RANBP2: variants seen among roughly 807,000 people sequenced by gnomAD.
The protein encoded by RANBP2 is E3 SUMO-protein ligase RanBP2.
Under a neutral mutation model 303.6 loss-of-function variants are expected in RANBP2, and 57 were observed. The observed-to-expected ratio is 0.19, with a 90% confidence interval of 0.15 to 0.23. The LOEUF (loss-of-function observed/expected upper bound fraction) is 0.23, where lower values mean the gene tolerates loss of function less well. RANBP2 is among the 10% of genes least tolerant of loss of function. The pLI, the probability that RANBP2 is intolerant of heterozygous loss-of-function variation, is 1.00. For synonymous variants in RANBP2, 1,167 were observed against 1,301.5 expected (o/e 0.90, Z 2.23); for missense variants, 3,138 against 3,780.8 (o/e 0.83, Z 4.46).
chr2:109,306,981 GAA>G, the RANBP2 span, among the ~76,000 whole-genome samples: 2 of 152,208 alleles, frequency 1.3e-5, no homozygotes, highest in African/African-American at 4.8e-5. Flanking sequence ...CGCTTGGCAT[GAA>G]CAACACAGGT....
At chr2:109,388,113 A>G in the RANBP2 span, among the ~76,000 whole-genome samples, 1 of 151,856 alleles carries the variant, frequency 6.6e-6, no homozygotes, top group African/African-American at 2.4e-5. Context: ...TCACCATCCT[A>G]CGCCTGCCCA....
chr2:109,225,899 G>A, the RANBP2 span, among the ~76,000 whole-genome samples: 42 of 152,164 alleles, frequency 2.8e-4, no homozygotes. Flanking sequence ...CCGAGTAGCT[G>A]GGACTATAGT....
At chr2:109,062,179 T>C in the RANBP2 span, among the ~76,000 whole-genome samples, 3 of 152,246 alleles carry the variant, frequency 2.0e-5, no homozygotes, top group Admixed American at 2.0e-4. Flanking sequence ...GCAAGGAAAA[T>C]ATATTTTCAG....
the RANBP2 span, among the ~76,000 whole-genome samples, chr2:109,197,587 A>G: frequency 6.6e-6 from 1 of 152,034 alleles, no homozygotes; most frequent in Non-Finnish European, 1.5e-5. Flanking sequence ...TTTTAGGGGG[A>G]CCTGTGCTTG....
At chr2:109,735,517 T>G in the RANBP2 span, among the ~76,000 whole-genome samples, 4 of 152,298 alleles carry the variant, frequency 2.6e-5, no homozygotes, top group African/African-American at 9.6e-5. Context: ...TTAGTAGCCA[T>G]GTGTTAGCCA....
At chr2:109,261,425 G>A in the RANBP2 span, among the ~76,000 whole-genome samples, 1 of 152,224 alleles carries the variant, frequency 6.6e-6, no homozygotes, top group African/African-American at 2.4e-5. Flanking sequence ...TGCAGTCTGT[G>A]GAGCTGGACA....
At chr2:109,534,382 C>T in the RANBP2 span, among the ~76,000 whole-genome samples, 1 of 152,200 alleles carries the variant, frequency 6.6e-6, no homozygotes, top group Admixed American at 6.5e-5. Flanking sequence ...AGTAGGATCA[C>T]AGGCATTAGA....
At chr2:109,583,828 C>T in the RANBP2 span, among the ~76,000 whole-genome samples, 1 of 152,174 alleles carries the variant, frequency 6.6e-6, no homozygotes, top group Admixed American at 6.5e-5. Context: ...AAAATCAAGT[C>T]TTTTGTACCA....
the RANBP2 span, among the ~76,000 whole-genome samples, chr2:109,630,744 A>T: frequency 1.3e-5 from 2 of 152,266 alleles, no homozygotes; most frequent in East Asian, 3.9e-4. Context: ...GGTAATGTTG[A>T]GGGATGGATA....
At chr2:109,564,391 C>T in the RANBP2 span, 1 of 1,582,788 alleles carries the variant, frequency 6.3e-7, no homozygotes, top group Non-Finnish European at 8.6e-7. Flanking sequence ...TCTGGGCCCA[C>T]ATCTGTAAAG....
the RANBP2 span, among the ~76,000 whole-genome samples, chr2:109,422,341 G>A: frequency 1.3e-5 from 2 of 152,182 alleles, no homozygotes; most frequent in Middle Eastern, 3.2e-3. Flanking sequence ...TGATTGCATA[G>A]CTTTGACCTC....
At chr2:109,659,575 G>C in the RANBP2 span, among the ~76,000 whole-genome samples, 11 of 152,218 alleles carry the variant, frequency 7.2e-5, no homozygotes, top group Non-Finnish European at 1.0e-4. Flanking sequence ...GGGCTAGGCT[G>C]GGGGCTGGAC....
chr2:108,989,822 G>T, the RANBP2 span, among the ~76,000 whole-genome samples: 1 of 151,596 alleles, frequency 6.6e-6, no homozygotes, highest in South Asian at 2.1e-4. Context: ...GATTGGGGGG[G>T]GGAAAACAGC....
the RANBP2 span, chr2:109,501,735 CAGAG>C: frequency 2.9e-6 from 2 of 695,902 alleles, no homozygotes; most frequent in South Asian, 1.5e-5. Flanking sequence ...CCACGGCACA[CAGAG>C]AGGGAGCCAT....
At chr2:109,169,658 A>G in the RANBP2 span, among the ~76,000 whole-genome samples, 1 of 152,296 alleles carries the variant, frequency 6.6e-6, no homozygotes, top group East Asian at 1.9e-4. Context: ...GTATTTGAAC[A>G]TAGCATGTGT....
At chr2:109,642,604 C>T in the RANBP2 span, among the ~76,000 whole-genome samples, 1 of 151,340 alleles carries the variant, frequency 6.6e-6, no homozygotes, top group African/African-American at 2.4e-5. Context: ...AAAAAATTAG[C>T]TGGGCATGGT....
the RANBP2 span, among the ~76,000 whole-genome samples, chr2:109,633,257 G>T: frequency 2.0e-5 from 3 of 152,098 alleles, no homozygotes; most frequent in Admixed American, 1.3e-4. Context: ...GCCGGACGTG[G>T]TGGTGCTCGC....
the RANBP2 span, chr2:109,449,563 A>C: frequency 2.6e-6 from 4 of 1,524,836 alleles, no homozygotes; most frequent in Non-Finnish European, 3.5e-6. Flanking sequence ...ACTAGATGGC[A>C]GTGGCATTTG....
chr2:109,720,466 C>A, the RANBP2 span, among the ~76,000 whole-genome samples: 1 of 152,136 alleles, frequency 6.6e-6, no homozygotes, highest in Non-Finnish European at 1.5e-5. Context: ...GAAACCAAAT[C>A]TCTTTCACAG....
Sources: gnomAD v4.1 joint callset for allele counts (sites outside exome capture counted in the v4.1 genomes callset) on GRCh38, gnomAD v4.1.1 for gene constraint, MANE v1.5 for transcripts, NCBI Gene and HGNC (gene_info 2026-07-23, HGNC 2026-07-21) for gene names.